FIG4: variants seen among roughly 807,000 people sequenced by gnomAD.
The protein encoded by FIG4 is FIG4 phosphoinositide 5-phosphatase.
FIG4 carries 112 observed loss-of-function variants against 118.6 expected under a neutral mutation model. The observed-to-expected ratio is 0.94, with a 90% CI of 0.81 to 1.11. FIG4 has a LOEUF of 1.11. Among genes scored for constraint, FIG4 ranks in the 50% least tolerant of loss-of-function variants. The pLI is 0.00. For synonymous variants in FIG4, 369 were observed against 381.2 expected (o/e 0.97, Z 0.37); for missense variants, 969 against 1,111.7 (o/e 0.87, Z 1.83).
In FIG4 at chr6:109,727,090, T is replaced by G; in HGVS notation, c.290-19T>G. On this transcript the variant is annotated intron_variant, in intron 3 of 22. Transcript: ENST00000230124. Reference sequence around the variant, plus strand: ...ACTAAGTTTATAAAGCATATTTCTCTTTATTTTTTGTTGCATAGGTTTTGT... The same window carrying G: ...ACTAAGTTTATAAAGCATATTTCTCGTTATTTTTTGTTGCATAGGTTTTGT... 6.3e-7 allele frequency: 1 copy of G among 1,587,844 alleles called. No homozygotes were observed. Among genetic ancestry groups the G allele is most frequent in the Non-Finnish European group, 8.6e-7 (1 of 1,156,396 alleles).
rs749338256 is a variant in FIG4, at chr6:109,786,354, T to C, written c.2001T>C (p.Tyr667=). The part of the protein sequence containing the change: ...KKLIVKKFHK[Y]EEEIDIHNEF... ...TGATAGTGAAGAAATTCCACAAATA[T>C]GAAGAAGAGATTGATATCCACAATG... Residue 667 remains tyrosine (Y), a synonymous_variant, in exon 18 of 23, where the codon TAT becomes TAC. Coordinates refer to ENST00000230124, the MANE Select transcript of FIG4 (RefSeq NM_014845.6). The C allele has an allele frequency of 2.5e-6, 4 of 1,613,582 alleles. No individual in the cohort carries two copies. In the South Asian group the frequency reaches 4.4e-5, roughly 18 times the overall value.
At chr6:109,789,192 A>G (rs986971745) in intron 18 of FIG4, among the ~76,000 whole-genome samples, 2 of 152,234 alleles carry the variant, frequency 1.3e-5, no homozygotes, top group African/African-American at 2.4e-5. Flanking sequence ...TAATCATGAT[A>G]TATAACCAGA....
At chr6:109,719,791 G>GT (rs902636972) in intron 3 of FIG4, among the ~76,000 whole-genome samples, 16 of 150,770 alleles carry the variant, frequency 1.1e-4, no homozygotes, top group Non-Finnish European at 2.4e-4. Context: ...GGACTCTTTT[G>GT]TTTTTTTTTA....
At chr6:109,769,526 A>C (rs961950175) in intron 15 of FIG4, among the ~76,000 whole-genome samples, 3 of 152,112 alleles carry the variant, frequency 2.0e-5, no homozygotes, top group Non-Finnish European at 4.4e-5. Context: ...AATATAGAAG[A>C]ATTTTCTTTA....
chr6:109,739,388 A>G (rs1263903221), intron 7 of FIG4, among the ~76,000 whole-genome samples: 4 of 152,150 alleles, frequency 2.6e-5, no homozygotes, highest in African/African-American at 9.7e-5. Flanking sequence ...ACCTTTTGAG[A>G]TCACGTAGGG....
chr6:109,750,970 A>G (rs1421129281), intron 10 of FIG4, among the ~76,000 whole-genome samples: 1 of 152,228 alleles, frequency 6.6e-6, no homozygotes, highest in Non-Finnish European at 1.5e-5. Context: ...TTTTCATCCT[A>G]AACTGATTTA....
intron 1 of FIG4, among the ~76,000 whole-genome samples, chr6:109,705,310 G>A (rs779250974): frequency 7.2e-5 from 11 of 152,176 alleles, no homozygotes; most frequent in Non-Finnish European, 1.3e-4. Context: ...TAAAAAATTG[G>A]TGTGAAAGTG....
chr6:109,825,122 T>A lies in FIG4; in HGVS notation c.2581T>A (p.Tyr861Asn). ...PISAFSQDNIYEVQPPRVDRK... is the reference protein window; with the variant it reads ...PISAFSQDNINEVQPPRVDRK... ...CTCGGCTTTCTCGCAAGATAACATC[T>A]ATGAAGTTCAGCCCCCAAGAGTAGA... Residue 861 changes from tyrosine to asparagine, a missense_variant, in exon 23 of 23, where the codon TAT becomes AAT. Tyr to Asn is a moderately radical substitution (Grantham distance 143, BLOSUM62 -2). Coordinates refer to ENST00000230124, the MANE Select transcript of FIG4 (RefSeq NM_014845.6). 1 of 1,614,046 alleles carries A rather than the reference T, an allele frequency of 6.2e-7. No individual in the cohort carries two copies.
intron 10 of FIG4, among the ~76,000 whole-genome samples, chr6:109,759,028 A>G (rs545385654): frequency 7.2e-5 from 11 of 152,334 alleles, no homozygotes; most frequent in African/African-American, 2.6e-4. Context: ...ACCATTGTGG[A>G]AGACAGTGTG....
chr6:109,765,012 G>A lies in FIG4; in HGVS notation c.1435-1G>A. 1 of 1,613,392 alleles carries A rather than the reference G, an allele frequency of 6.2e-7. No individual in the cohort carries two copies. Among genetic ancestry groups the A allele is most frequent in the Non-Finnish European group, 8.5e-7 (1 of 1,179,464 alleles). ...GAAAATCTTAAGGTATTTCTCTTTAGACTGGCATCCTTCGAACCAACTGTG... is the reference window on the plus strand; with the variant it reads ...GAAAATCTTAAGGTATTTCTCTTTAAACTGGCATCCTTCGAACCAACTGTG... On this transcript the variant is annotated splice_acceptor_variant, in intron 13 of 22. Transcript: ENST00000230124. LOFTEE classifies it high-confidence loss of function.
chr6:109,711,513 T>C (rs1266103588), intron 1 of FIG4, among the ~76,000 whole-genome samples: 3 of 152,260 alleles, frequency 2.0e-5, no homozygotes, highest in African/African-American at 7.2e-5. Flanking sequence ...TATCATTATG[T>C]AATGCCATTC....
At chr6:109,772,957 G>A (rs1777511579) in intron 15 of FIG4, among the ~76,000 whole-genome samples, 1 of 152,178 alleles carries the variant, frequency 6.6e-6, no homozygotes, top group Non-Finnish European at 1.5e-5. Flanking sequence ...CAGCTGACCT[G>A]GGCTTTTACC....
In FIG4 at chr6:109,738,334, G is replaced by T. The variant is rs1347702545; in HGVS notation, c.656G>T (p.Gly219Val). ...GACTTTTATTTTTCAGGGGTATTTG[G>T]GATCTGTAGTGAGCCTTATATGAAA... Reference protein sequence around the residue: ...LITQGGSGVFGICSEPYMKYV... With the variant: ...LITQGGSGVFVICSEPYMKYV... Residue 219 changes from glycine to valine, a missense_variant, in exon 7 of 23, where the codon GGG (glycine) becomes GTG (valine). Gly to Val is a moderately radical substitution (Grantham distance 109). Coordinates refer to ENST00000230124, the MANE Select transcript of FIG4 (RefSeq NM_014845.6). 1 of 1,604,858 alleles carries T rather than the reference G, an allele frequency of 6.2e-7. No homozygotes were observed. Among genetic ancestry groups the T allele is most frequent in the Non-Finnish European group, 8.5e-7 (1 of 1,172,058 alleles).
rs1255518113 is a variant in FIG4 at position 109,762,153 on chromosome 6, G to A, written c.1334G>A (p.Gly445Asp). 8 of 1,613,618 alleles carry A rather than the reference G, an allele frequency of 5.0e-6. No individual in the cohort carries two copies. Among genetic ancestry groups the A allele is most frequent in the African/African-American group, 1.3e-5 (1 of 74,900 alleles). Residue 445 changes from glycine (G) to aspartate (D), a missense_variant, in exon 12 of 23, where the codon GGT (glycine) becomes GAT (aspartate). Around this residue, in one of 3 missense-constraint regions of FIG4, gnomAD observed 246 missense variants for 354.3 expected, o/e 0.69. Coordinates refer to ENST00000230124, the MANE Select transcript of FIG4 (RefSeq NM_014845.6). ...GCAGAAAGTGTGGTGAAGAAAACAG[G>A]TTTCTTTGTAAACCGCCCTGATTCT... ...VIAESVVKKT[G>D]FFVNRPDSYC...
intron 22 of FIG4, among the ~76,000 whole-genome samples, chr6:109,808,880 G>A (rs1398119998): frequency 1.3e-5 from 2 of 151,956 alleles, no homozygotes; most frequent in African/African-American, 4.8e-5. Flanking sequence ...TAACAAATGT[G>A]ATTTTTTTGA....
intron 3 of FIG4, among the ~76,000 whole-genome samples, chr6:109,720,988 A>G (rs977631026): frequency 6.6e-6 from 1 of 152,058 alleles, no homozygotes. Context: ...AGTTCATACT[A>G]CTCAGTTCTG....
In FIG4 at chr6:109,732,621, G is replaced by GCT. The variant is rs1554300773; in HGVS notation, c.447-16_447-15insCT. On this transcript the variant is annotated splice_polypyrimidine_tract_variant and intron_variant, in intron 4 of 22. Transcript: ENST00000230124. The stretch of plus-strand genomic sequence containing the variant: ...GTATTGGACAAATGAAATGTACTTT[G>GCT]TTTTTTTTTTTTTAGGTATCTACGA... 1.4e-5 allele frequency: 14 copies of GCT among 1,015,268 alleles called. No homozygotes were observed. The highest frequency in any genetic ancestry group is 1.9e-5 in the Admixed American group (1 of 52,868). 62.9% of individuals were successfully genotyped at this position (1,015,268 alleles called of 1,614,324 possible). A position where few individuals can be genotyped will look rare whatever the true frequency, so the allele number is the denominator to read the frequency against.
Position 109,715,274 on chromosome 6 carries a change from T to C in FIG4, c.165+98T>C, listed in dbSNP as rs1380403565. ...AGTTTTTAGTGATATATTATTTTTATCATAAATCTAAAAGTTTCCGTTATT... is the reference window on the plus strand; with the variant it reads ...AGTTTTTAGTGATATATTATTTTTACCATAAATCTAAAAGTTTCCGTTATT... On this transcript the variant is annotated intron_variant, in intron 2 of 22. Coordinates refer to ENST00000230124, the MANE Select transcript of FIG4 (RefSeq NM_014845.6). 57 of 676,358 alleles carry C rather than the reference T, an allele frequency of 8.4e-5. 1 individual carries two copies. Among genetic ancestry groups the C allele is most frequent in the Admixed American group, 1.3e-4 (5 of 37,948 alleles). The allele number at this position is 676,358 out of a possible 1,614,324, so 41.9% of individuals were successfully genotyped here.
intron 22 of FIG4, among the ~76,000 whole-genome samples, chr6:109,822,009 C>CA (rs1779019420): frequency 6.6e-6 from 1 of 152,028 alleles, no homozygotes; most frequent in African/African-American, 2.4e-5. Context: ...CATTGTATTC[C>CA]AGCCTAGGAG....
Sources: gnomAD v4.1 joint callset for allele counts (sites outside exome capture counted in the v4.1 genomes callset) on GRCh38, gnomAD v4.1.1 for gene constraint, gnomAD v4.1.1 regional missense constraint, MANE v1.5 for transcripts, NCBI Gene and HGNC (gene_info 2026-07-23, HGNC 2026-07-21) for gene names.